Variants in STAU2 observed in about 807,000 individuals in gnomAD.
STAU2 encodes the protein staufen double-stranded RNA binding protein 2, also known as double-stranded RNA-binding protein Staufen homolog 2.
Under a neutral mutation model 65.9 loss-of-function variants are expected in STAU2, and 20 were observed. The ratio of observed to expected loss-of-function variants is 0.30; its 90% CI spans 0.21 to 0.44. The LOEUF (loss-of-function observed/expected upper bound fraction) is 0.44, where lower values mean the gene tolerates loss of function less well. Among genes scored for constraint, STAU2 ranks in the 20% least tolerant of loss-of-function variants. STAU2 has a pLI of 1.00. For synonymous variants in STAU2, 232 were observed against 233.9 expected (o/e 0.99, Z 0.07); for missense variants, 558 against 683.9 (o/e 0.82, Z 2.05).
At chr8:73,533,361 A>T (rs1805953163) in intron 13 of STAU2, among the ~76,000 whole-genome samples, 1 of 152,186 alleles carries the variant, frequency 6.6e-6, no homozygotes, top group Admixed American at 6.5e-5. Flanking sequence ...TTTCTTTGAA[A>T]TTTGCAAATC....
intron 13 of STAU2, among the ~76,000 whole-genome samples, chr8:73,487,629 A>G (rs1217092331): frequency 6.6e-6 from 1 of 152,110 alleles, no homozygotes; most frequent in African/African-American, 2.4e-5. Context: ...TTTTCTTATA[A>G]ATAGCCCACA....
At chr8:73,527,778 G>A (rs1805541793) in intron 13 of STAU2, 1 of 1,536,480 alleles carries the variant, frequency 6.5e-7, no homozygotes, top group African/African-American at 1.4e-5. Context: ...CACACTCTTT[G>A]CCACTTTGTC....
intron 6 of STAU2, among the ~76,000 whole-genome samples, chr8:73,620,401 C>T (rs1367494415): frequency 2.6e-5 from 4 of 152,130 alleles, no homozygotes; most frequent in Non-Finnish European, 4.4e-5. Flanking sequence ...AGGGAGTGGG[C>T]GCCACTATAA....
intron 13 of STAU2, among the ~76,000 whole-genome samples, chr8:73,464,052 C>T (rs1388442234): frequency 6.6e-6 from 1 of 152,102 alleles, no homozygotes; most frequent in Non-Finnish European, 1.5e-5. Context: ...ATTTGGATTT[C>T]GAGACAACAG....
intron 6 of STAU2, among the ~76,000 whole-genome samples, chr8:73,627,803 T>C (rs1187668829): frequency 6.6e-6 from 1 of 151,310 alleles, no homozygotes; most frequent in Non-Finnish European, 1.5e-5. Context: ...AAAATATTTT[T>C]AGGTTTAGAA....
In STAU2 at chr8:73,449,643, C is replaced by G. The variant is rs575700991; in HGVS notation, c.1531-26941G>C. On this transcript the variant is annotated intron_variant, in intron 13 of 14. Coordinates refer to ENST00000524300, the MANE Select transcript of STAU2 (RefSeq NM_001164380.2). ...CGAGCTCAGATTTGTTTTTGGAAGG[C>G]CTGTCTGCCCTGGGGCTGGGTGGGC... 1.8e-4 allele frequency among the ~76,000 whole-genome samples: 28 copies of G among 152,298 alleles called. No homozygotes were observed. In the East Asian group the frequency reaches 4.8e-3, roughly 26 times the overall value.
At chr8:73,700,379 T>A (rs2130598034) in intron 4 of STAU2, among the ~76,000 whole-genome samples, 1 of 152,164 alleles carries the variant, frequency 6.6e-6, no homozygotes, top group Non-Finnish European at 1.5e-5. Flanking sequence ...AGAAGTCAAA[T>A]TATCATTGTT....
Position 73,429,413 on chromosome 8 carries a change from C to CTTTTTTTTTTTT in STAU2, c.1531-6723_1531-6712dup, listed in dbSNP as rs71561522. ...AACCAATCTATATTCTTGCTCAGGT[C>CTTTTTTTTTTTT]TTTTTTTTTTTTTTTTTTTTTTTTT... On this transcript the variant is annotated intron_variant, in intron 13 of 14. Coordinates refer to ENST00000524300, the MANE Select transcript of STAU2 (RefSeq NM_001164380.2). Among the ~76,000 whole-genome samples the CTTTTTTTTTTTT allele has an allele frequency of 3.7e-4, 24 of 65,370 alleles. 9 individuals are homozygous for CTTTTTTTTTTTT. Among genetic ancestry groups the CTTTTTTTTTTTT allele is most frequent in the Non-Finnish European group, 6.3e-4 (18 of 28,528 alleles). The allele number at this position is 65,370 out of a possible 152,430, so 42.9% of individuals were successfully genotyped here.
At chr8:73,557,638 A>G (rs1431171908) in intron 12 of STAU2, among the ~76,000 whole-genome samples, 1 of 152,168 alleles carries the variant, frequency 6.6e-6, no homozygotes, top group Non-Finnish European at 1.5e-5. Flanking sequence ...ACAATAATTC[A>G]TTGTTAATTT....
intron 13 of STAU2, among the ~76,000 whole-genome samples, chr8:73,434,068 G>C (rs1347183949): frequency 1.3e-5 from 2 of 151,772 alleles, no homozygotes; most frequent in Non-Finnish European, 2.9e-5. Context: ...GTTCTCCCGG[G>C]GTCCACTGCA....
At chr8:73,723,108 C>CCACACACACA (rs370518442) in intron 3 of STAU2, among the ~76,000 whole-genome samples, 1 of 148,976 alleles carries the variant, frequency 6.7e-6, no homozygotes, top group South Asian at 2.1e-4. Context: ...GCCCACACAC[C>CCACACACACA]CACACACACA....
chr8:73,523,403 G>A (rs1226084739), intron 13 of STAU2, among the ~76,000 whole-genome samples: 2 of 151,880 alleles, frequency 1.3e-5, no homozygotes, highest in Non-Finnish European at 2.9e-5. Flanking sequence ...ATAAAGCAAT[G>A]AATCTGGCTG....
chr8:73,703,571 A>G (rs1039520569), intron 4 of STAU2, among the ~76,000 whole-genome samples: 1 of 152,246 alleles, frequency 6.6e-6, no homozygotes, highest in Admixed American at 6.5e-5. Flanking sequence ...CCATCAACAG[A>G]TGAATGTCCA....
At chr8:73,675,869 A>G (rs972506871) in intron 5 of STAU2, among the ~76,000 whole-genome samples, 1 of 152,188 alleles carries the variant, frequency 6.6e-6, no homozygotes, top group African/African-American at 2.4e-5. Flanking sequence ...AATATGGATC[A>G]AAGTTAACTT....
intron 6 of STAU2, among the ~76,000 whole-genome samples, chr8:73,665,364 T>A (rs1018127839): frequency 2.6e-5 from 4 of 152,200 alleles, no homozygotes; most frequent in African/African-American, 4.8e-5. Context: ...AAAGAATATA[T>A]TCCCCAAACC....
At chr8:73,485,061 G>A (rs1049486434) in intron 13 of STAU2, among the ~76,000 whole-genome samples, 6 of 150,468 alleles carry the variant, frequency 4.0e-5, no homozygotes, top group Non-Finnish European at 7.4e-5. Flanking sequence ...ATTCTATGAT[G>A]CATTCCTCAA....
chr8:73,638,665 C>T (rs928927938), intron 6 of STAU2, among the ~76,000 whole-genome samples: 2 of 151,932 alleles, frequency 1.3e-5, no homozygotes, highest in African/African-American at 2.4e-5. Context: ...TTTTTAAAAA[C>T]TCATTAGGTA....
intron 13 of STAU2, among the ~76,000 whole-genome samples, chr8:73,548,576 G>A (rs1238355681): frequency 6.6e-6 from 1 of 152,164 alleles, no homozygotes; most frequent in Non-Finnish European, 1.5e-5. Flanking sequence ...TTTAATTTAA[G>A]TGGACAATCT....
chr8:73,658,276 G>A (rs1816539763), intron 6 of STAU2, among the ~76,000 whole-genome samples: 1 of 152,018 alleles, frequency 6.6e-6, no homozygotes, highest in African/African-American at 2.4e-5. Context: ...GGTGAGGCAT[G>A]AGAATCTCTT....
Sources: allele counts gnomAD v4.1 joint callset (sites outside exome capture counted in the v4.1 genomes callset), GRCh38; gene constraint gnomAD v4.1.1; transcripts MANE v1.5; gene names NCBI Gene and HGNC (gene_info 2026-07-23, HGNC 2026-07-21).